Variants in PIK3C2G observed in about 807,000 individuals in gnomAD.
PIK3C2G encodes phosphatidylinositol-4-phosphate 3-kinase catalytic subunit type 2 gamma.
A neutral mutation model predicts 181.1 loss-of-function variants in PIK3C2G; 168 were observed. The ratio of observed to expected loss-of-function variants is 0.93; its 90% CI spans 0.82 to 1.05. The LOEUF is 1.05. Among genes scored for constraint, PIK3C2G ranks in the 50% least tolerant of loss-of-function variants. The pLI is 0.00. For synonymous variants in PIK3C2G, 573 were observed against 592.2 expected, an observed-to-expected ratio of 0.97 and a Z score of 0.47; for missense variants, 1,869 against 1,732.8, an observed-to-expected ratio of 1.08 and a Z score of -1.40.
intron 27 of PIK3C2G, 126 bp downstream of exon 27, chr12:18,563,018 A>G (rs1212886783): frequency 1.5e-6 from 1 of 682,534 alleles, no homozygotes; most frequent in African/African-American, 1.8e-5. Flanking sequence ...ATAATTTACA[A>G]TTTAAGCAGA....
At chr12:18,398,843 G>A (rs1944048499) in intron 15 of PIK3C2G, among the ~76,000 whole-genome samples, 2 of 152,278 alleles carry the variant, frequency 1.3e-5, no homozygotes, top group Admixed American at 6.5e-5. Context: ...GTTAACAACA[G>A]CAAAGATTTC....
intron 13 of PIK3C2G, among the ~76,000 whole-genome samples, chr12:18,376,027 C>A (rs1436110027): frequency 1.3e-5 from 2 of 152,238 alleles, no homozygotes; most frequent in African/African-American, 2.4e-5. Context: ...CATAAGCCTG[C>A]TACAGGGGCA....
intron 29 of PIK3C2G, among the ~76,000 whole-genome samples, chr12:18,577,953 ATG>A (rs1266569513): frequency 6.6e-6 from 1 of 152,182 alleles, no homozygotes; most frequent in Non-Finnish European, 1.5e-5. Flanking sequence ...CATTCAACAA[ATG>A]TTTATTGATT....
chr12:18,255,903 T>C (rs1032956028), intron 1 of PIK3C2G, among the ~76,000 whole-genome samples: 4 of 152,182 alleles, frequency 2.6e-5, no homozygotes, highest in Non-Finnish European at 5.9e-5. Context: ...AGTGAAATAA[T>C]TTCCATGATT....
In PIK3C2G at chr12:18,550,975, G is replaced by C. The variant is rs1944699046; in HGVS notation, c.3590+4543G>C. On this transcript the variant is annotated intron_variant, in intron 26 of 32. Transcript: ENST00000538779. Reference sequence around the variant, plus strand: ...TGTACTCTATTTATGAACAACCCAAGATTTTTCCTCACTCTTGGACATATC... The same window carrying C: ...TGTACTCTATTTATGAACAACCCAACATTTTTCCTCACTCTTGGACATATC... 3.3e-5 allele frequency among the ~76,000 whole-genome samples: 5 copies of C among 152,188 alleles called. No homozygotes were observed. The South Asian group carries it at 6.2e-4, about 19-fold the overall frequency.
At chr12:18,341,368 A>G (rs1359234162) in intron 9 of PIK3C2G, among the ~76,000 whole-genome samples, 1 of 152,192 alleles carries the variant, frequency 6.6e-6, no homozygotes, top group African/African-American at 2.4e-5. Context: ...ATGTACTAGT[A>G]TAAACACAAA....
At chr12:18,530,687 G>C (rs918422868) in intron 24 of PIK3C2G, among the ~76,000 whole-genome samples, 1 of 152,106 alleles carries the variant, frequency 6.6e-6, no homozygotes, top group African/African-American at 2.4e-5. Flanking sequence ...TTAGATCATG[G>C]GGGTGGATTT....
chr12:18,527,835 G>A (rs1943326701), intron 24 of PIK3C2G, among the ~76,000 whole-genome samples: 1 of 152,080 alleles, frequency 6.6e-6, no homozygotes, highest in Non-Finnish European at 1.5e-5. Flanking sequence ...TATCAAATAA[G>A]AGAGATGCTG....
the PIK3C2G span, chr12:18,712,945 C>T: frequency 6.2e-7 from 1 of 1,613,950 alleles, no homozygotes; most frequent in Non-Finnish European, 8.5e-7. Context: ...TGCTCCATCC[C>T]AGCAGTCAAT....
At chr12:18,479,142 C>A (rs750121665) in intron 18 of PIK3C2G, among the ~76,000 whole-genome samples, 1 of 151,452 alleles carries the variant, frequency 6.6e-6, no homozygotes, top group Non-Finnish European at 1.5e-5. Flanking sequence ...TACATACATA[C>A]ATATACACAC....
At chr12:18,593,652 AG>A (rs1487252546) in intron 29 of PIK3C2G, among the ~76,000 whole-genome samples, 1 of 151,886 alleles carries the variant, frequency 6.6e-6, no homozygotes, top group Admixed American at 6.6e-5. Flanking sequence ...GTCATATAGT[AG>A]CTTCCAACAA....
chr12:18,486,349 C>A (rs1940031277), intron 18 of PIK3C2G, among the ~76,000 whole-genome samples: 1 of 152,194 alleles, frequency 6.6e-6, no homozygotes, highest in East Asian at 1.9e-4. Context: ...TGACTCTCCC[C>A]TGCTCGGTTT....
At chr12:18,597,281 A>T (rs1172740783) in intron 30 of PIK3C2G, among the ~76,000 whole-genome samples, 1 of 152,112 alleles carries the variant, frequency 6.6e-6, no homozygotes, top group African/African-American at 2.4e-5. Context: ...TTATCCACTT[A>T]TGAAACAAGT....
intron 8 of PIK3C2G, among the ~76,000 whole-genome samples, chr12:18,329,425 A>AT (rs1267673528): frequency 1.3e-5 from 2 of 151,954 alleles, no homozygotes; most frequent in African/African-American, 4.8e-5. Context: ...GATGAAAAGG[A>AT]TTTTGTAGAC....
intron 16 of PIK3C2G, among the ~76,000 whole-genome samples, chr12:18,412,621 G>A (rs1293010365): frequency 1.4e-5 from 2 of 146,540 alleles, no homozygotes; most frequent in Non-Finnish European, 2.9e-5. Flanking sequence ...AACATAAAAT[G>A]GGTTTATTAA....
Position 18,282,566 on chromosome 12 carries a change from A to G in PIK3C2G, c.485A>G (p.Asn162Ser), listed in dbSNP as rs879443831. ...DKINLEKELE[N>S]ENHNYHIGFE... is the part of the protein sequence containing the mutation. ...ATTAATCTAGAGAAAGAATTAGAAA[A>G]TGAAAATCATAACTACCATATAGGA... The change falls in exon 2 of 33, where the codon AAT becomes AGT. Residue 162 changes from asparagine (N) to serine (S), a missense_variant. Asn to Ser is a conservative substitution (Grantham distance 46, BLOSUM62 1). Transcript: ENST00000538779. The G allele has an allele frequency of 6.2e-7, 1 of 1,612,120 alleles. No individual in the cohort carries two copies. Among genetic ancestry groups the G allele is most frequent in the Non-Finnish European group, 8.5e-7 (1 of 1,178,668 alleles).
At position 18,287,216 on chromosome 12, in the gene PIK3C2G, A is replaced by AT. The variant is rs939115113; in HGVS notation, c.761+298dup. On this transcript the variant is annotated intron_variant, in intron 3 of 32. Transcript: ENST00000538779. ...TTGTTGGTGGTTTGGTTTGCAGTGA[A>AT]TTTTTTTTTTTGTTTAATGACGTAA... 2.3e-3 allele frequency among the ~76,000 whole-genome samples: 341 copies of AT among 147,958 alleles called. 1 individual carries two copies. Among genetic ancestry groups the AT allele is most frequent in the Middle Eastern group, 6.8e-3 (2 of 292 alleles).
chr12:18,472,992 G>A (rs1157928908), intron 18 of PIK3C2G, among the ~76,000 whole-genome samples: 5 of 152,032 alleles, frequency 3.3e-5, no homozygotes, highest in East Asian at 1.9e-4. Flanking sequence ...GAGCCGTCGC[G>A]CATGGCCTAT....
At chr12:18,369,700 CAT>C (rs1420629634) in intron 12 of PIK3C2G, among the ~76,000 whole-genome samples, 1 of 84,512 alleles carries the variant, frequency 1.2e-5, no homozygotes, top group Non-Finnish European at 2.2e-5. Flanking sequence ...GTATAATTGA[CAT>C]ATGATCATAT....
Sources: allele counts gnomAD v4.1 joint callset (sites outside exome capture counted in the v4.1 genomes callset), GRCh38; gene constraint gnomAD v4.1.1; transcripts MANE v1.5; gene names NCBI Gene and HGNC (gene_info 2026-07-23, HGNC 2026-07-21).